SLC35F4: variants seen among roughly 807,000 people sequenced by gnomAD.
The protein encoded by SLC35F4 is solute carrier family 35 member F4, also known as chromosome 14 open reading frame 36.
Under a neutral mutation model 44.2 loss-of-function variants are expected in SLC35F4, and 24 were observed. That is an observed-to-expected ratio of 0.54 (90% CI 0.39 to 0.76). SLC35F4 has a LOEUF of 0.76. Ranked by LOEUF, SLC35F4 falls within the 30% of genes least tolerant of loss-of-function variation. SLC35F4 has a pLI of 0.00. For missense variants in SLC35F4, 562 were observed against 586.1 expected, an observed-to-expected ratio of 0.96 and a Z score of 0.42; for synonymous variants, 238 against 223.6, an observed-to-expected ratio of 1.06 and a Z score of -0.57.
At chr14:57,822,974 T>C (rs1883332995) in intron 1 of SLC35F4, among the ~76,000 whole-genome samples, 1 of 152,170 alleles carries the variant, frequency 6.6e-6, no homozygotes, top group Non-Finnish European at 1.5e-5. Flanking sequence ...TATTCCAAGT[T>C]AGTATCTCCA....
At chr14:57,908,792 A>T (rs539702065) in intron 1 of SLC35F4, among the ~76,000 whole-genome samples, 1 of 152,220 alleles carries the variant, frequency 6.6e-6, no homozygotes, top group Non-Finnish European at 1.5e-5. Context: ...GTTTAATTAG[A>T]TCCCATTTGT....
intron 1 of SLC35F4, among the ~76,000 whole-genome samples, chr14:57,626,750 G>A (rs1426727565): frequency 1.3e-5 from 2 of 152,080 alleles, no homozygotes; most frequent in Admixed American, 6.6e-5. Flanking sequence ...AGGAAATAGA[G>A]GTACAATCAA....
At chr14:57,798,103 A>G (rs1734807264) in intron 1 of SLC35F4, among the ~76,000 whole-genome samples, 1 of 126,200 alleles carries the variant, frequency 7.9e-6, no homozygotes, top group Non-Finnish European at 1.6e-5. Context: ...AACTTCACAC[A>G]GCCCACAGAC....
intron 1 of SLC35F4, among the ~76,000 whole-genome samples, chr14:57,689,821 G>T (rs1462177724): frequency 6.6e-6 from 1 of 151,736 alleles, no homozygotes; most frequent in Non-Finnish European, 1.5e-5. Flanking sequence ...CACCAATATG[G>T]CACACGTATA....
chr14:57,770,742 G>A (rs1390157503), intron 1 of SLC35F4, among the ~76,000 whole-genome samples: 3 of 152,112 alleles, frequency 2.0e-5, no homozygotes, highest in Non-Finnish European at 2.9e-5. Flanking sequence ...CTGTGGCCAG[G>A]AAAAGAATAC....
intron 1 of SLC35F4, among the ~76,000 whole-genome samples, chr14:57,702,490 AT>A (rs1023562873): frequency 1.3e-5 from 2 of 152,180 alleles, no homozygotes; most frequent in Admixed American, 1.3e-4. Context: ...CATGTAAAAA[AT>A]CCATTTAACT....
intron 1 of SLC35F4, among the ~76,000 whole-genome samples, chr14:57,980,301 G>A (rs1016344530): frequency 6.6e-6 from 1 of 152,170 alleles, no homozygotes; most frequent in East Asian, 1.9e-4. Flanking sequence ...CAGGAACCCT[G>A]AGGCTAGAAA....
In SLC35F4 at chr14:57,865,992, G is replaced by GGCA. The variant is rs1321714850; in HGVS notation, c.-168_-167insTGC. ...CGCAGCACCGGCTCCGCATCACAGCGGCGGCGGCGGCGGCGGCGGCGGAGC... is the reference window on the plus strand; with the variant it reads ...CGCAGCACCGGCTCCGCATCACAGCGGCAGCGGCGGCGGCGGCGGCGGCGGAGC... On this transcript the variant is annotated 5_prime_UTR_variant, in exon 1 of 8. Coordinates refer to ENST00000556826, the MANE Select transcript of SLC35F4 (RefSeq NM_001306087.2). The GGCA allele has an allele frequency of 7.5e-6, 2 of 266,306 alleles. No homozygotes were observed. Among genetic ancestry groups the GGCA allele is most frequent in the South Asian group, 1.1e-4 (1 of 9,506 alleles). The allele number at this position is 266,306 out of a possible 1,614,324, so 16.5% of individuals were successfully genotyped here.
intron 1 of SLC35F4, among the ~76,000 whole-genome samples, chr14:57,704,772 G>T (rs528962374): frequency 6.6e-6 from 1 of 152,168 alleles, no homozygotes; most frequent in Non-Finnish European, 1.5e-5. Flanking sequence ...TACACAGGAA[G>T]TCAACCAAAA....
At chr14:57,748,886 A>G (rs764796796) in intron 1 of SLC35F4, among the ~76,000 whole-genome samples, 13 of 152,292 alleles carry the variant, frequency 8.5e-5, no homozygotes, top group Middle Eastern at 3.4e-3. Flanking sequence ...AAAATAGACA[A>G]TATCAAACAA....
chr14:57,588,502 G>A (rs920010900), intron 3 of SLC35F4, among the ~76,000 whole-genome samples: 5 of 152,198 alleles, frequency 3.3e-5, no homozygotes, highest in African/African-American at 1.2e-4. Context: ...ATGCAGGGCT[G>A]TGTGACATCA....
chr14:57,573,085 C>T (rs1186671881), intron 4 of SLC35F4, among the ~76,000 whole-genome samples: 1 of 137,756 alleles, frequency 7.3e-6, no homozygotes, highest in African/African-American at 2.7e-5. Flanking sequence ...GTAAAGATAG[C>T]TTTTTAACAT....
At chr14:57,646,108 G>A (rs1182566771) in intron 1 of SLC35F4, among the ~76,000 whole-genome samples, 1 of 152,146 alleles carries the variant, frequency 6.6e-6, no homozygotes, top group African/African-American at 2.4e-5. Context: ...TCTCTGCCAG[G>A]TTTTGGTATC....
chr14:57,804,833 C>A (rs572360339), intron 1 of SLC35F4, among the ~76,000 whole-genome samples: 41 of 152,084 alleles, frequency 2.7e-4, no homozygotes, highest in African/African-American at 9.9e-4. Context: ...GAACAGACAA[C>A]CTAAAGAATG....
intron 1 of SLC35F4, among the ~76,000 whole-genome samples, chr14:57,661,704 G>A (rs1029189742): frequency 5.9e-5 from 9 of 152,150 alleles, no homozygotes; most frequent in African/African-American, 2.2e-4. Flanking sequence ...GGTCATAAGG[G>A]TCCCAAATTC....
At chr14:57,733,570 T>C (rs1861867732) in intron 1 of SLC35F4, among the ~76,000 whole-genome samples, 1 of 152,072 alleles carries the variant, frequency 6.6e-6, no homozygotes, top group Non-Finnish European at 1.5e-5. Flanking sequence ...AAAGGCATCT[T>C]ATAATTTCAA....
At chr14:57,936,368 G>T (rs1164458508) in intron 1 of SLC35F4, among the ~76,000 whole-genome samples, 1 of 152,132 alleles carries the variant, frequency 6.6e-6, no homozygotes, top group Non-Finnish European at 1.5e-5. Context: ...TTCTAAATAG[G>T]GTAGGAGCCA....
At chr14:57,814,745 T>C (rs926367978) in intron 1 of SLC35F4, among the ~76,000 whole-genome samples, 16 of 152,190 alleles carry the variant, frequency 1.1e-4, no homozygotes, top group African/African-American at 2.7e-4. Flanking sequence ...CTGATTGTCA[T>C]GTCCAAACAT....
At position 57,864,493 on chromosome 14, in the gene SLC35F4, A is replaced by T. The variant is rs7155660; in HGVS notation, c.103+1230T>A. ...TATCGAACTAGAAAATATCTGTGTGAGAACAGCCCATGGAACAAAGCTCTT... is the reference window on the plus strand; with the variant it reads ...TATCGAACTAGAAAATATCTGTGTGTGAACAGCCCATGGAACAAAGCTCTT... On this transcript the variant is annotated intron_variant, in intron 1 of 7. Coordinates refer to ENST00000556826, the MANE Select transcript of SLC35F4 (RefSeq NM_001306087.2). Among the ~76,000 whole-genome samples, 931 of 152,364 alleles carry T rather than the reference A, an allele frequency of 6.1e-3. 14 individuals carry two copies. Among genetic ancestry groups the T allele is most frequent in the African/African-American group, 0.021 (888 of 41,576 alleles).
Sources: allele counts gnomAD v4.1 joint callset (sites outside exome capture counted in the v4.1 genomes callset), GRCh38; gene constraint gnomAD v4.1.1; transcripts MANE v1.5; gene names NCBI Gene and HGNC (gene_info 2026-07-23, HGNC 2026-07-21).